FOXP2: variants seen among roughly 807,000 people sequenced by gnomAD.
FOXP2 encodes the protein forkhead box protein P2.
In FOXP2, 12 loss-of-function variants were observed where a neutral mutation model predicts 115.8. The observed-to-expected ratio is 0.10, with a 90% CI of 0.07 to 0.17. FOXP2 has a LOEUF of 0.17. Ranked by LOEUF, FOXP2 falls within the 10% of genes least tolerant of loss-of-function variation. FOXP2 has a pLI of 1.00. For synonymous variants in FOXP2, 328 were observed against 297.7 expected, an observed-to-expected ratio of 1.10 and a Z score of -1.05; for missense variants, 629 against 843.5, an observed-to-expected ratio of 0.75 and a Z score of 3.15.
intron 1 of FOXP2, among the ~76,000 whole-genome samples, chr7:114,145,239 TCTGA>T (rs1195016897): frequency 6.6e-6 from 1 of 152,232 alleles, no homozygotes; most frequent in Non-Finnish European, 1.5e-5. Context: ...AGTTTATCTT[TCTGA>T]CTAATAATAA....
upstream of FOXP2, among the ~76,000 whole-genome samples, chr7:114,158,443 TGATTTACCA>T (rs377155452): frequency 1.3e-3 from 197 of 152,172 alleles, 2 homozygotes; most frequent in African/African-American, 4.5e-3. Flanking sequence ...ACACACATAA[TGATTTACCA>T]GTCTGTCTGG....
At chr7:114,626,561 C>A (rs888911462) in intron 3 of FOXP2, among the ~76,000 whole-genome samples, 4 of 148,990 alleles carry the variant, frequency 2.7e-5, no homozygotes, top group African/African-American at 9.9e-5. Flanking sequence ...CTGTCTCTCT[C>A]TCTATATATA....
intron 1 of FOXP2, among the ~76,000 whole-genome samples, chr7:114,113,546 A>T (rs565793541): frequency 1.3e-5 from 2 of 151,974 alleles, no homozygotes; most frequent in African/African-American, 4.8e-5. Context: ...CATTTTTTAA[A>T]TTTTTTGTAG....
chr7:114,580,529 G>C (rs1801796703), intron 3 of FOXP2, among the ~76,000 whole-genome samples: 1 of 152,114 alleles, frequency 6.6e-6, no homozygotes, highest in South Asian at 2.1e-4. Context: ...AGTGAGCTGA[G>C]ATCACACCAC....
Position 114,630,023 on chromosome 7 carries a change from C to T in FOXP2, c.597+18C>T. ...CGAAAGAGGTAGGATCCGGTTATCT[C>T]ATTGATACATAACAGTTTGCAGTTA... On this transcript the variant is annotated intron_variant, in intron 5 of 16. Coordinates refer to ENST00000350908, the MANE Select transcript of FOXP2 (RefSeq NM_014491.4). 1 of 1,602,780 alleles carries T rather than the reference C, an allele frequency of 6.2e-7. No individual in the cohort carries two copies. The highest frequency in any genetic ancestry group is 2.2e-5 in the East Asian group (1 of 44,640).
chr7:114,486,450 C>G (rs1366446960), intron 2 of FOXP2, among the ~76,000 whole-genome samples: 2 of 152,042 alleles, frequency 1.3e-5, no homozygotes, highest in African/African-American at 4.8e-5. Context: ...GGTGGGGACA[C>G]AGCCAAACCA....
At chr7:114,609,635 G>A (rs1272736988) in intron 3 of FOXP2, among the ~76,000 whole-genome samples, 1 of 152,006 alleles carries the variant, frequency 6.6e-6, no homozygotes, top group Non-Finnish European at 1.5e-5. Context: ...TTTCTCTTTT[G>A]AGCCTTCAAT....
intron 1 of FOXP2, among the ~76,000 whole-genome samples, chr7:114,179,199 C>A (rs1793393644): frequency 6.6e-6 from 1 of 151,742 alleles, no homozygotes; most frequent in Non-Finnish European, 1.5e-5. Context: ...TTAAAGTGAC[C>A]TGAGATTGAC....
At chr7:114,653,057 T>C (rs1027624616) in intron 9 of FOXP2, among the ~76,000 whole-genome samples, 25 of 152,158 alleles carry the variant, frequency 1.6e-4, no homozygotes, top group Non-Finnish European at 1.5e-5. Flanking sequence ...TAATACTTTG[T>C]TTCATTTAAA....
intron 1 of FOXP2, among the ~76,000 whole-genome samples, chr7:114,217,389 T>C (rs1386154964): frequency 6.6e-6 from 1 of 152,222 alleles, no homozygotes; most frequent in Non-Finnish European, 1.5e-5. Flanking sequence ...CTGTGAGCAA[T>C]TATTTTACTA....
chr7:114,199,785 A>C (rs1331966824), intron 1 of FOXP2, among the ~76,000 whole-genome samples: 2 of 151,750 alleles, frequency 1.3e-5, no homozygotes, highest in African/African-American at 2.4e-5. Flanking sequence ...TAGATGAAAA[A>C]GACACTTAGA....
chr7:114,214,526 C>T (rs1032458275), intron 1 of FOXP2, among the ~76,000 whole-genome samples: 2 of 152,066 alleles, frequency 1.3e-5, no homozygotes, highest in African/African-American at 4.8e-5. Flanking sequence ...TCCTTTTTAC[C>T]ATGGCTACTG....
At chr7:114,498,760 T>G in intron 2 of FOXP2, 1 of 682,936 alleles carries the variant, frequency 1.5e-6, no homozygotes. Context: ...CAGCATCTTA[T>G]TTAATTTTAT....
intron 2 of FOXP2, among the ~76,000 whole-genome samples, chr7:114,332,152 G>A (rs755832869): frequency 1.3e-4 from 20 of 152,196 alleles, no homozygotes; most frequent in Non-Finnish European, 2.6e-4. Flanking sequence ...GCATGAGTAG[G>A]GGGTAATGTT....
chr7:114,519,411 C>T (rs993522100), intron 2 of FOXP2, among the ~76,000 whole-genome samples: 8 of 152,026 alleles, frequency 5.3e-5, no homozygotes, highest in Admixed American at 1.3e-4. Flanking sequence ...TATTGGACTC[C>T]GAAATTGAGT....
intron 1 of FOXP2, among the ~76,000 whole-genome samples, chr7:114,174,586 G>A (rs893916514): frequency 2.0e-5 from 3 of 151,952 alleles, no homozygotes; most frequent in African/African-American, 7.2e-5. Context: ...TTAGTGTTCA[G>A]AAAAATGTGC....
At chr7:114,543,561 A>G (rs1799783111) in intron 3 of FOXP2, among the ~76,000 whole-genome samples, 1 of 152,176 alleles carries the variant, frequency 6.6e-6, no homozygotes, top group African/African-American at 2.4e-5. Flanking sequence ...TTTTTACATT[A>G]TAGGTTCTCC....
intron 2 of FOXP2, among the ~76,000 whole-genome samples, chr7:114,378,808 A>G (rs989114991): frequency 2.0e-5 from 3 of 149,216 alleles, no homozygotes; most frequent in Non-Finnish European, 4.4e-5. Flanking sequence ...TTATTAAGGC[A>G]CTGCTTGTTG....
intron 3 of FOXP2, among the ~76,000 whole-genome samples, chr7:114,551,265 A>C (rs1222312957): frequency 1.1e-4 from 17 of 152,212 alleles, no homozygotes; most frequent in Admixed American, 8.5e-4. Flanking sequence ...ACACTTTGCC[A>C]GGCAGACACC....
Sources: allele counts gnomAD v4.1 joint callset (sites outside exome capture counted in the v4.1 genomes callset), GRCh38; gene constraint gnomAD v4.1.1; transcripts MANE v1.5; gene names NCBI Gene and HGNC (gene_info 2026-07-23, HGNC 2026-07-21).